Variants in HVCN1 observed in about 807,000 individuals in gnomAD.
HVCN1 encodes the protein voltage-gated hydrogen channel 1.
In HVCN1, 14 loss-of-function variants were observed where a neutral mutation model predicts 29.2. That is an observed-to-expected ratio of 0.48 (90% confidence interval 0.32 to 0.75). The LOEUF is 0.75. Ranked by LOEUF, HVCN1 falls within the 30% of genes least tolerant of loss-of-function variation. The pLI is 0.04. For synonymous variants in HVCN1, 131 were observed against 133.2 expected (o/e 0.98, Z 0.11); for missense variants, 263 against 341.8 (o/e 0.77, Z 1.82).
chr12:110,652,062 C>T (rs1022385590), intron 5 of HVCN1, among the ~76,000 whole-genome samples: 1 of 152,192 alleles, frequency 6.6e-6, no homozygotes, highest in African/African-American at 2.4e-5. Flanking sequence ...TAGGAGTGAT[C>T]ACCAAGGTGG....
At chr12:110,683,795 C>T (rs2069077429) in intron 2 of HVCN1, among the ~76,000 whole-genome samples, 1 of 151,612 alleles carries the variant, frequency 6.6e-6, no homozygotes, top group South Asian at 2.1e-4. Flanking sequence ...CCTGTAATCC[C>T]AGCTACTTCG....
Position 110,658,631 on chromosome 12 carries a change from G to C in HVCN1, c.306+2533C>G, listed in dbSNP as rs936127450. 3.9e-5 allele frequency among the ~76,000 whole-genome samples: 6 copies of C among 152,050 alleles called. No individual in the cohort carries two copies. Among genetic ancestry groups the C allele is most frequent in the African/African-American group, 1.2e-4 (5 of 41,406 alleles). On this transcript the variant is annotated intron_variant, in intron 4 of 7. Coordinates refer to ENST00000242607, the MANE Select transcript of HVCN1 (RefSeq NM_032369.4). This position sits in a 1 kb window ranked among gnomAD's most constrained non-coding sequence, Gnocchi z 5.0. ...GTCACCTCCTTCGACTCCAGTCCCTGATCAGGTCCCCCCACCCCCAGGACC... is the reference window on the plus strand; with the variant it reads ...GTCACCTCCTTCGACTCCAGTCCCTCATCAGGTCCCCCCACCCCCAGGACC...
At position 110,661,508 on chromosome 12, in the gene HVCN1, G is replaced by T; in HGVS notation, c.22-60C>A. 2 of 1,556,006 alleles carry T rather than the reference G, an allele frequency of 1.3e-6. No individual in the cohort carries two copies. The highest frequency in any genetic ancestry group is 1.8e-6 in the Non-Finnish European group (2 of 1,142,142). The stretch of plus-strand genomic sequence containing the variant: ...CAGTTGGCCACTCAGAGCCCACATG[G>T]CCCAGGCCGGGCCAGGCCACTGCAG... On this transcript the variant is annotated intron_variant, in intron 3 of 7. Transcript: ENST00000242607. The surrounding 1 kb of genome is among the most constrained non-coding windows in gnomAD (Gnocchi z 6.2).
At position 110,661,165 on chromosome 12, in the gene HVCN1, T is replaced by G; in HGVS notation, c.305A>C (p.Gln102Pro). 6.3e-7 allele frequency: 1 copy of G among 1,595,680 alleles called. No individual in the cohort carries two copies. Among genetic ancestry groups the G allele is most frequent in the Non-Finnish European group, 8.6e-7 (1 of 1,168,162 alleles). The change falls in exon 4 of 8, where the codon CAG becomes CCG. Residue 102 changes from glutamine to proline, a missense_variant and splice_region_variant. Transcript: ENST00000242607. This position sits in a 1 kb window ranked among gnomAD's most constrained non-coding sequence, Gnocchi z 6.2. The part of the protein sequence containing the change: ...LRKLFSSHRF[Q>P]VIIICLVVLD... The stretch of plus-strand genomic sequence containing the variant: ...ATCCCGGACTCCTGCCCCACCTACC[T>G]GAAACCTGTGGGAGCTGAACAGTTT...
chr12:110,679,643 G>A (rs927655084), intron 3 of HVCN1, among the ~76,000 whole-genome samples: 3 of 152,096 alleles, frequency 2.0e-5, no homozygotes, highest in African/African-American at 4.8e-5. Context: ...CATGAGGTCA[G>A]GAGATCGAGA....
At chr12:110,649,598 G>T in intron 7 of HVCN1, 123 bp from the exon 8 acceptor site, 1 of 734,826 alleles carries the variant, frequency 1.4e-6, no homozygotes. Context: ...GCTGTTTGTG[G>T]CATTCAGTCT....
At chr12:110,678,372 C>A (rs1326973308) in intron 3 of HVCN1, among the ~76,000 whole-genome samples, 1 of 147,552 alleles carries the variant, frequency 6.8e-6, no homozygotes, top group East Asian at 2.1e-4. Context: ...GACTTGTGTA[C>A]ACACATTCCA....
chr12:110,687,931 C>T (rs2069256877), intron 2 of HVCN1: 1 of 152,366 alleles, frequency 6.6e-6, no homozygotes, highest in Non-Finnish European at 1.5e-5. Context: ...CCTTATCAGC[C>T]TTTCCCTCTG....
chr12:110,684,046 T>A (rs2069091294), intron 2 of HVCN1, among the ~76,000 whole-genome samples: 1 of 151,726 alleles, frequency 6.6e-6, no homozygotes, highest in South Asian at 2.1e-4. Flanking sequence ...TATGATTCCA[T>A]TGATATGAAA....
intron 2 of HVCN1, among the ~76,000 whole-genome samples, chr12:110,686,949 A>T (rs2069205649): frequency 6.6e-6 from 1 of 152,104 alleles, no homozygotes; most frequent in Non-Finnish European, 1.5e-5. Context: ...GTGGCCCTCA[A>T]CCCCCAAGCC....
chr12:110,649,323 A>T lies in HVCN1; in HGVS notation c.*87T>A, dbSNP rs2067667726. On this transcript the variant is annotated 3_prime_UTR_variant, in exon 8 of 8. Coordinates refer to ENST00000242607, the MANE Select transcript of HVCN1 (RefSeq NM_032369.4). ...GAGGTATCAAACCAAACCTCTCACC[A>T]AGCGGCCCAGGAGGGGCAGCTGTTC... 9.5e-7 allele frequency: 1 copy of T among 1,058,052 alleles called. No homozygotes were observed. Among genetic ancestry groups the T allele is most frequent in the South Asian group, 1.3e-5 (1 of 75,318 alleles). The allele number at this position is 1,058,052 out of a possible 1,614,324, so 65.5% of individuals were successfully genotyped here.
chr12:110,704,774 G>A (rs376980116), intron 1 of HVCN1: 1 of 152,278 alleles, frequency 6.6e-6, no homozygotes, highest in Admixed American at 6.5e-5. Context: ...GTGACTAGTA[G>A]GCCCCCAGGT....
intron 2 of HVCN1, among the ~76,000 whole-genome samples, chr12:110,698,489 T>A (rs1298984296): frequency 1.3e-5 from 2 of 152,210 alleles, no homozygotes; most frequent in Non-Finnish European, 1.5e-5. Flanking sequence ...CCAGGCCAAC[T>A]AGAGGCTTCC....
chr12:110,690,268 C>T (rs2069373954), upstream of HVCN1, among the ~76,000 whole-genome samples: 1 of 152,208 alleles, frequency 6.6e-6, no homozygotes, highest in Non-Finnish European at 1.5e-5. Context: ...TGGGATCCAC[C>T]TGGATAATCC....
chr12:110,689,596 T>C (rs1275573509), upstream of HVCN1: 1 of 152,556 alleles, frequency 6.6e-6, no homozygotes, highest in Non-Finnish European at 1.5e-5. The surrounding 1 kb of genome is among the most constrained non-coding windows in gnomAD (Gnocchi z 5.7). Flanking sequence ...CCTGCACAGT[T>C]TCTGCCATGC....
intron 1 of HVCN1, among the ~76,000 whole-genome samples, chr12:110,703,509 C>T (rs370033497): frequency 2.4e-4 from 37 of 152,186 alleles, no homozygotes; most frequent in Admixed American, 1.6e-3. Flanking sequence ...CCATATTGGG[C>T]GAGTGCCGTG....
chr12:110,665,556 CA>C (rs56307913), intron 3 of HVCN1, among the ~76,000 whole-genome samples: 18,371 of 110,994 alleles, frequency 0.17, 1,449 homozygotes, highest in African/African-American at 0.29. Context: ...AACTCCATCT[CA>C]AAAAAAAAAA....
chr12:110,701,082 C>T (rs958155084), intron 2 of HVCN1, among the ~76,000 whole-genome samples: 1 of 152,236 alleles, frequency 6.6e-6, no homozygotes, highest in Non-Finnish European at 1.5e-5. Context: ...GATGGAGAAA[C>T]AGAGGCCGCA....
chr12:110,649,315 C>G lies in HVCN1; in HGVS notation c.*95G>C. The G allele has an allele frequency of 1.0e-6, 1 of 978,136 alleles. No individual in the cohort carries two copies. Among genetic ancestry groups the G allele is most frequent in the Non-Finnish European group, 1.6e-6 (1 of 622,150 alleles). The allele number at this position is 978,136 out of a possible 1,614,324, so 60.6% of individuals were successfully genotyped here. On this transcript the variant is annotated 3_prime_UTR_variant, in exon 8 of 8. Coordinates refer to ENST00000242607, the MANE Select transcript of HVCN1 (RefSeq NM_032369.4). The stretch of plus-strand genomic sequence containing the variant: ...GGGAGGCAGAGGTATCAAACCAAAC[C>G]TCTCACCAAGCGGCCCAGGAGGGGC...
Sources: gnomAD v4.1 joint callset for allele counts (sites outside exome capture counted in the v4.1 genomes callset) on GRCh38, gnomAD v4.1.1 for gene constraint, Gnocchi (gnomAD v3.1) non-coding constraint, MANE v1.5 for transcripts, NCBI Gene and HGNC (gene_info 2026-07-23, HGNC 2026-07-21) for gene names.